Variants in ADAMTS18 observed in about 807,000 individuals in gnomAD.
ADAMTS18 encodes ADAM metallopeptidase with thrombospondin type 1 motif 18.
ADAMTS18 carries 157 observed loss-of-function variants against 165.9 expected under a neutral mutation model. The observed-to-expected ratio is 0.95, with a 90% confidence interval of 0.83 to 1.08. ADAMTS18 has a LOEUF of 1.08. ADAMTS18 is among the 50% of genes least tolerant of loss of function. ADAMTS18 has a pLI of 0.00. For missense variants in ADAMTS18, 2,040 were observed against 1,534.0 expected (o/e 1.33, Z -5.51); for synonymous variants, 782 against 578.2 (o/e 1.35, Z -5.06).
intron 3 of ADAMTS18, among the ~76,000 whole-genome samples, chr16:77,396,968 G>A (rs1366935141): frequency 1.3e-5 from 2 of 151,968 alleles, no homozygotes; most frequent in African/African-American, 2.4e-5. Flanking sequence ...CACCACGCCT[G>A]GCTAATTTTT....
intron 13 of ADAMTS18, among the ~76,000 whole-genome samples, chr16:77,325,002 T>G (rs1182018633): frequency 6.6e-6 from 1 of 152,220 alleles, no homozygotes; most frequent in African/African-American, 2.4e-5. Context: ...TCTTTCGATT[T>G]GGAGGCTCTA....
rs1461876399 is a variant in ADAMTS18, at chr16:77,363,877, G to T, written c.981C>A (p.Gly327=). 6.8e-6 allele frequency: 11 copies of T among 1,613,734 alleles called. No homozygotes were observed. Among genetic ancestry groups the T allele is most frequent in the Non-Finnish European group, 9.3e-6 (11 of 1,179,934 alleles). The change falls in exon 6 of 23, where the codon GGC becomes GGA. Residue 327 remains glycine, a synonymous_variant. Transcript: ENST00000282849. ...YILTVMNMVS[G]LFKDGTIGSD... is the part of the protein sequence containing the mutation. ...TTCCAATAGTCCCATCTTTAAATAG[G>T]CCAGAAACCTGTTGGAACAATGGAA...
intron 4 of ADAMTS18, among the ~76,000 whole-genome samples, chr16:77,364,707 C>T (rs556784686): frequency 7.0e-6 from 1 of 143,496 alleles, no homozygotes; most frequent in South Asian, 2.3e-4. Flanking sequence ...AACTTAGTAA[C>T]TCAAAAATGC....
At chr16:77,376,839 G>C (rs2056961121) in intron 3 of ADAMTS18, among the ~76,000 whole-genome samples, 1 of 123,560 alleles carries the variant, frequency 8.1e-6, no homozygotes, top group African/African-American at 3.1e-5. Flanking sequence ...TTTTGAGACA[G>C]GGTCTCCCTG....
At chr16:77,330,713 A>G (rs2056174394) in intron 12 of ADAMTS18, among the ~76,000 whole-genome samples, 1 of 152,204 alleles carries the variant, frequency 6.6e-6, no homozygotes, top group African/African-American at 2.4e-5. Flanking sequence ...CCAGAGCCAG[A>G]TAGCAGTCAA....
At chr16:77,434,574 C>A in intron 1 of ADAMTS18, 32 bp downstream of exon 1, 1 of 1,530,076 alleles carries the variant, frequency 6.5e-7, no homozygotes, top group East Asian at 2.5e-5. Flanking sequence ...CCCCTGCCAC[C>A]CGCTCTCGGA....
At chr16:77,379,474 G>A (rs1246085926) in intron 3 of ADAMTS18, among the ~76,000 whole-genome samples, 1 of 151,956 alleles carries the variant, frequency 6.6e-6, no homozygotes, top group African/African-American at 2.4e-5. Context: ...TTATATGCTG[G>A]CTATCTGTTT....
At chr16:77,366,837 A>C (rs1422097827) in intron 4 of ADAMTS18, among the ~76,000 whole-genome samples, 1 of 152,202 alleles carries the variant, frequency 6.6e-6, no homozygotes, top group Non-Finnish European at 1.5e-5. Flanking sequence ...TGTTGAGATA[A>C]TATTTTGTAC....
intron 8 of ADAMTS18, among the ~76,000 whole-genome samples, chr16:77,358,334 G>C (rs1436115764): frequency 6.6e-6 from 1 of 152,160 alleles, no homozygotes; most frequent in East Asian, 1.9e-4. Context: ...TCAGCACTTT[G>C]GGAAACCGAG....
chr16:77,325,354 A>T (rs1482366326), intron 13 of ADAMTS18, among the ~76,000 whole-genome samples: 1 of 152,176 alleles, frequency 6.6e-6, no homozygotes, highest in African/African-American at 2.4e-5. Flanking sequence ...ATAAGCCATA[A>T]CTTTAAGTAT....
rs74025992 is a variant in ADAMTS18 at position 77,392,562 on chromosome 16, A to G, written c.496-24839T>C. On this transcript the variant is annotated intron_variant, in intron 3 of 22. Coordinates refer to ENST00000282849, the MANE Select transcript of ADAMTS18 (RefSeq NM_199355.4). Reference sequence around the variant, plus strand: ...CCTGCCCCCTGCTTCACTTTCCTTCATTACACTTTACCCCCAACAGATTCG... The same window carrying G: ...CCTGCCCCCTGCTTCACTTTCCTTCGTTACACTTTACCCCCAACAGATTCG... Among the ~76,000 whole-genome samples, 1,065 of 151,996 alleles carry G rather than the reference A, an allele frequency of 7.0e-3. 14 individuals carry two copies. Among genetic ancestry groups the G allele is most frequent in the African/African-American group, 0.023 (951 of 41,446 alleles).
Position 77,314,250 on chromosome 16 carries a change from AAG to A in ADAMTS18, c.2532+5597_2532+5598del, listed in dbSNP as rs1317870511. 2.0e-5 allele frequency among the ~76,000 whole-genome samples: 3 copies of A among 152,168 alleles called. No homozygotes were observed. The East Asian group carries it at 5.8e-4, about 29-fold the overall frequency. ...ATCTCCTGGGACTAGAGGTTTTCTT[AAG>A]AGTTTCAAAAATTCATATGTATAAG... On this transcript the variant is annotated intron_variant, in intron 16 of 22. Coordinates refer to ENST00000282849, the MANE Select transcript of ADAMTS18 (RefSeq NM_199355.4).
intron 16 of ADAMTS18, among the ~76,000 whole-genome samples, chr16:77,306,356 CAG>C (rs1404658714): frequency 2.6e-5 from 4 of 152,198 alleles, no homozygotes; most frequent in African/African-American, 9.6e-5. Flanking sequence ...AAACCACAGA[CAG>C]GGGCTGGAAT....
At chr16:77,340,169 A>AATTTTTAT (rs1462608789) in intron 11 of ADAMTS18, among the ~76,000 whole-genome samples, 4 of 152,080 alleles carry the variant, frequency 2.6e-5, no homozygotes, top group East Asian at 3.9e-4. Flanking sequence ...CTAGACTGTA[A>AATTTTTAT]ATTTTTATAT....
intron 3 of ADAMTS18, among the ~76,000 whole-genome samples, chr16:77,372,205 T>C (rs532078584): frequency 5.9e-5 from 9 of 152,286 alleles, no homozygotes; most frequent in Non-Finnish European, 1.0e-4. Context: ...GAAAATGGTA[T>C]GAAGGATCCT....
Position 77,362,199 on chromosome 16 carries a change from G to A in ADAMTS18, c.1122C>T (p.Ala374=). 14 of 1,613,982 alleles carry A rather than the reference G, an allele frequency of 8.7e-6. No homozygotes were observed. Among genetic ancestry groups the A allele is most frequent in the Non-Finnish European group, 1.2e-5 (14 of 1,179,986 alleles). Residue 374 remains alanine, a synonymous_variant, in exon 7 of 23, where the codon GCC becomes GCT. Coordinates refer to ENST00000282849, the MANE Select transcript of ADAMTS18 (RefSeq NM_199355.4). ...SLNSFCQWQS[A]LIGKNGKRHD... ...GTCTCTTGCCATTCTTTCCAATGAG[G>A]GCAGACTGCCATTGACAAAAACTAT...
intron 7 of ADAMTS18, 121 bp downstream of exon 7, chr16:77,361,984 C>G: frequency 8.7e-7 from 1 of 1,153,200 alleles, no homozygotes. Flanking sequence ...TTAGGTTACT[C>G]CATAATTTAA....
intron 3 of ADAMTS18, among the ~76,000 whole-genome samples, chr16:77,391,197 T>G (rs1337372504): frequency 1.3e-5 from 2 of 152,140 alleles, no homozygotes; most frequent in East Asian, 3.9e-4. Context: ...ATAAGTCCTT[T>G]GTTTTATATA....
intron 2 of ADAMTS18, among the ~76,000 whole-genome samples, chr16:77,432,874 C>T (rs1409433498): frequency 2.0e-5 from 3 of 152,064 alleles, no homozygotes; most frequent in Non-Finnish European, 4.4e-5. Context: ...CCACAATAGA[C>T]AATAATTTTC....
Sources: gnomAD v4.1 joint callset for allele counts (sites outside exome capture counted in the v4.1 genomes callset) on GRCh38, gnomAD v4.1.1 for gene constraint, MANE v1.5 for transcripts, NCBI Gene and HGNC (gene_info 2026-07-23, HGNC 2026-07-21) for gene names.